The following PLCE1 variants were observed in gnomAD, a reference collection of about 807,000 sequenced individuals.
PLCE1 encodes phospholipase C epsilon 1.
A neutral mutation model predicts 242.8 loss-of-function variants in PLCE1; 119 were observed. That is an observed-to-expected ratio of 0.49 (90% confidence interval 0.42 to 0.57). The LOEUF is 0.57. PLCE1 is among the 20% of genes least tolerant of loss of function. The pLI is 0.00. For missense variants in PLCE1, 2,441 were observed against 2,788.8 expected (o/e 0.88, Z 2.81); for synonymous variants, 945 against 1,017.4 (o/e 0.93, Z 1.35).
chr10:94,224,267 G>A (rs928546804), intron 4 of PLCE1, among the ~76,000 whole-genome samples: 4 of 152,178 alleles, frequency 2.6e-5, no homozygotes, highest in African/African-American at 9.7e-5. Context: ...TCCTAGCATT[G>A]TGGGAAAGTA....
intron 2 of PLCE1, among the ~76,000 whole-genome samples, chr10:94,084,114 G>A (rs1276622510): frequency 1.3e-5 from 2 of 152,218 alleles, no homozygotes; most frequent in Admixed American, 1.3e-4. Flanking sequence ...AGTAAGGAGT[G>A]CGCTTCGACA....
intron 28 of PLCE1, among the ~76,000 whole-genome samples, chr10:94,315,991 T>G (rs930331147): frequency 3.9e-5 from 6 of 152,120 alleles, no homozygotes; most frequent in African/African-American, 1.4e-4. Context: ...GTCTGTCTGG[T>G]TCCAGGGCTT....
At position 94,039,583 on chromosome 10, in the gene PLCE1, A is replaced by G. The variant is rs548678616; in HGVS notation, c.1206+7331A>G. On this transcript the variant is annotated intron_variant, in intron 2 of 32. Coordinates refer to ENST00000371380, the MANE Select transcript of PLCE1 (RefSeq NM_016341.4). ...ATATTTTTAGTAGAGACAGGGTGTC[A>G]CCATGTTGGCCAGGCTGGTCTCAAA... is the stretch of plus-strand genomic sequence containing the variant. Among the ~76,000 whole-genome samples, 572 of 152,196 alleles carry G rather than the reference A, an allele frequency of 3.8e-3. 2 individuals carry two copies. Among genetic ancestry groups the G allele is most frequent in the African/African-American group, 0.013 (540 of 41,538 alleles).
intron 4 of PLCE1, among the ~76,000 whole-genome samples, chr10:94,226,831 C>CTCTCTT (rs67656949): frequency 4.6e-4 from 47 of 101,818 alleles, no homozygotes; most frequent in South Asian, 1.0e-3. Flanking sequence ...ACCTATAGGT[C>CTCTCTT]TTTTTTTTTT....
At chr10:94,069,327 TG>T (rs1189094267) in intron 2 of PLCE1, among the ~76,000 whole-genome samples, 1 of 152,188 alleles carries the variant, frequency 6.6e-6, no homozygotes, top group East Asian at 1.9e-4. Flanking sequence ...GGACCAGGCA[TG>T]GTGGTTCATG....
At chr10:94,172,878 T>C (rs1015182447) in intron 4 of PLCE1, among the ~76,000 whole-genome samples, 4 of 152,162 alleles carry the variant, frequency 2.6e-5, no homozygotes, top group African/African-American at 9.7e-5. Flanking sequence ...GCAGCCTCCA[T>C]AGCTTGCCAA....
chr10:94,124,073 T>C (rs2046371643), intron 2 of PLCE1, among the ~76,000 whole-genome samples: 1 of 152,134 alleles, frequency 6.6e-6, no homozygotes, highest in Non-Finnish European at 1.5e-5. Flanking sequence ...TTAAGTTTAA[T>C]TATACCCTCC....
chr10:94,157,751 A>G (rs1185240444), intron 3 of PLCE1, among the ~76,000 whole-genome samples: 1 of 152,238 alleles, frequency 6.6e-6, no homozygotes. Flanking sequence ...TCAGGCATTC[A>G]GCCCAAGTCC....
At chr10:94,234,442 G>T in intron 6 of PLCE1, 130 bp downstream of exon 6, 1 of 1,006,814 alleles carries the variant, frequency 9.9e-7, no homozygotes, top group East Asian at 2.5e-5. Context: ...TATTATTTCT[G>T]GGTAGCACAT....
intron 11 of PLCE1, among the ~76,000 whole-genome samples, chr10:94,258,463 T>C (rs2051179744): frequency 6.6e-6 from 1 of 152,214 alleles, no homozygotes; most frequent in Non-Finnish European, 1.5e-5. Flanking sequence ...AATTTGGGGC[T>C]CTTTTTAATA....
intron 2 of PLCE1, among the ~76,000 whole-genome samples, chr10:94,051,554 C>T (rs190552755): frequency 5.3e-5 from 8 of 152,150 alleles, no homozygotes; most frequent in South Asian, 2.1e-4. Flanking sequence ...CAAAACTAGC[C>T]GGAAATTTCT....
chr10:94,317,487 T>G (rs1401282903), intron 29 of PLCE1, among the ~76,000 whole-genome samples: 1 of 152,220 alleles, frequency 6.6e-6, no homozygotes, highest in Non-Finnish European at 1.5e-5. Context: ...GACTTCCAGT[T>G]TTAGCTAATA....
chr10:94,182,439 T>C (rs2048344530), intron 4 of PLCE1, among the ~76,000 whole-genome samples: 1 of 151,698 alleles, frequency 6.6e-6, no homozygotes, highest in Non-Finnish European at 1.5e-5. Flanking sequence ...ATAATTTTTT[T>C]TTTTTTTTTT....
intron 9 of PLCE1, among the ~76,000 whole-genome samples, chr10:94,253,850 T>C (rs995300807): frequency 1.3e-5 from 2 of 152,210 alleles, no homozygotes; most frequent in Admixed American, 6.5e-5. Context: ...CCATATCATC[T>C]ATCTAGAAAA....
At chr10:94,094,976 A>G (rs1294639614) in intron 2 of PLCE1, among the ~76,000 whole-genome samples, 1 of 152,274 alleles carries the variant, frequency 6.6e-6, no homozygotes, top group Non-Finnish European at 1.5e-5. Context: ...CTTATTAGCA[A>G]AAAAACTTCT....
intron 2 of PLCE1, among the ~76,000 whole-genome samples, chr10:94,068,895 C>G (rs191265316): frequency 6.6e-6 from 1 of 152,182 alleles, no homozygotes. Context: ...TTCCTCTACT[C>G]GACCACAAAC....
rs2047513333 is a variant in PLCE1, at chr10:94,158,841, T to C, written c.1493-12339T>C. ...GGTATGAGATTATTATTTTAAATTT[T>C]CTTCTTCTTTTTCTTTTTTTTTTTT... On this transcript the variant is annotated intron_variant, in intron 3 of 32. Transcript: ENST00000371380. Among the ~76,000 whole-genome samples the C allele has an allele frequency of 2.1e-5, 3 of 143,208 alleles. No individual in the cohort carries two copies. In the South Asian group the frequency reaches 6.8e-4, roughly 32 times the overall value. 94.0% of individuals were successfully genotyped at this position (143,208 alleles called of 152,430 possible). A position where few individuals can be genotyped will look rare whatever the true frequency, so the allele number is the denominator to read the frequency against.
chr10:94,126,016 GTTTTC>G (rs1315889664), intron 2 of PLCE1, among the ~76,000 whole-genome samples: 1 of 152,136 alleles, frequency 6.6e-6, no homozygotes, highest in Non-Finnish European at 1.5e-5. Flanking sequence ...CAGTATGCTT[GTTTTC>G]TTTTGTTTTG....
intron 4 of PLCE1, among the ~76,000 whole-genome samples, chr10:94,212,530 A>G (rs916320243): frequency 6.6e-6 from 1 of 152,200 alleles, no homozygotes; most frequent in Non-Finnish European, 1.5e-5. Flanking sequence ...TGCTGGGATT[A>G]CAGGCATGAG....
Sources: allele counts gnomAD v4.1 joint callset (sites outside exome capture counted in the v4.1 genomes callset), GRCh38; gene constraint gnomAD v4.1.1; transcripts MANE v1.5; gene names NCBI Gene and HGNC (gene_info 2026-07-23, HGNC 2026-07-21).